The following SLC25A48 variants were observed in gnomAD, a reference collection of about 807,000 sequenced individuals.
SLC25A48 encodes the protein solute carrier family 25 member 48, also known as CTC-321K16.1.
Under a neutral mutation model 32.2 loss-of-function variants are expected in SLC25A48, and 29 were observed. The ratio of observed to expected loss-of-function variants is 0.90; its 90% confidence interval spans 0.67 to 1.23. SLC25A48 has a LOEUF of 1.23. SLC25A48 is among the 50% of genes most tolerant of loss of function. SLC25A48 has a pLI of 0.00. For synonymous variants in SLC25A48, 164 were observed against 172.3 expected (o/e 0.95, Z 0.38); for missense variants, 399 against 422.7 (o/e 0.94, Z 0.49).
chr5:135,709,857 T>G (rs764359269), intron 3 of SLC25A48, among the ~76,000 whole-genome samples: 4 of 152,202 alleles, frequency 2.6e-5, no homozygotes, highest in Non-Finnish European at 5.9e-5. Flanking sequence ...ACTATTATTT[T>G]CCATCATTCC....
intron 3 of SLC25A48, among the ~76,000 whole-genome samples, chr5:135,792,455 G>A (rs1017825802): frequency 6.6e-6 from 1 of 151,476 alleles, no homozygotes; most frequent in South Asian, 2.1e-4. Context: ...GTACAATCCC[G>A]GTTATATTAT....
intron 4 of SLC25A48, among the ~76,000 whole-genome samples, chr5:135,866,007 C>A (rs1026025119): frequency 6.6e-6 from 1 of 152,150 alleles, no homozygotes; most frequent in African/African-American, 2.4e-5. Context: ...ATGCATAATG[C>A]TCATGGATTG....
At chr5:135,583,492 C>A (rs1751281290) in intron 1 of SLC25A48, among the ~76,000 whole-genome samples, 1 of 151,700 alleles carries the variant, frequency 6.6e-6, no homozygotes, top group Non-Finnish European at 1.5e-5. Context: ...AAGAGGAGTC[C>A]TTTTTACTTC....
chr5:135,864,915 C>T (rs1392508601), intron 4 of SLC25A48, among the ~76,000 whole-genome samples: 1 of 152,216 alleles, frequency 6.6e-6, no homozygotes, highest in Non-Finnish European at 1.5e-5. Flanking sequence ...CCACAGTAGA[C>T]TTGGCTGCAG....
intron 1 of SLC25A48, among the ~76,000 whole-genome samples, chr5:135,605,986 T>C (rs1463547917): frequency 6.6e-6 from 1 of 152,212 alleles, no homozygotes; most frequent in Non-Finnish European, 1.5e-5. Flanking sequence ...ATGGGCTAGA[T>C]TCTTTCCTAA....
At chr5:135,792,210 C>G (rs10061012) in intron 3 of SLC25A48, among the ~76,000 whole-genome samples, 99,059 of 151,290 alleles carry the variant, frequency 0.65, 34,377 homozygotes, top group Non-Finnish European at 0.77. Flanking sequence ...TATGTTATTC[C>G]TAATAACCTT....
At chr5:135,674,289 T>G (rs2126944703) in intron 3 of SLC25A48, among the ~76,000 whole-genome samples, 1 of 152,114 alleles carries the variant, frequency 6.6e-6, no homozygotes, top group African/African-American at 2.4e-5. Flanking sequence ...ATTTTTCTAG[T>G]CCTCTCTTCT....
At chr5:135,802,418 T>C (rs903035876) in intron 3 of SLC25A48, among the ~76,000 whole-genome samples, 17 of 151,828 alleles carry the variant, frequency 1.1e-4, no homozygotes, top group Admixed American at 1.1e-3. Flanking sequence ...ATATACCTTG[T>C]GATATTATTT....
intron 1 of SLC25A48, among the ~76,000 whole-genome samples, chr5:135,598,018 ACCAAAAAAC>A (rs548697344): frequency 0.031 from 2,293 of 73,212 alleles, 67 homozygotes; most frequent in African/African-American, 0.09. Context: ...AAAAAATCAA[ACCAAAAAAC>A]AAACAAACAA....
chr5:135,819,714 G>A (rs929824023), intron 4 of SLC25A48, among the ~76,000 whole-genome samples: 4 of 152,074 alleles, frequency 2.6e-5, no homozygotes, highest in Admixed American at 2.0e-4. Context: ...TGATCAAATT[G>A]TACACTTTAT....
chr5:135,672,063 A>G (rs113085425), intron 3 of SLC25A48, among the ~76,000 whole-genome samples: 1,763 of 152,352 alleles, frequency 0.012, 15 homozygotes, highest in Admixed American at 0.028. Context: ...AAATTGGAAC[A>G]GTTCTCAAAT....
upstream of SLC25A48, among the ~76,000 whole-genome samples, chr5:135,832,011 A>G (rs1169752302): frequency 6.6e-6 from 1 of 152,056 alleles, no homozygotes; most frequent in Non-Finnish European, 1.5e-5. Context: ...GGAGAGAGAA[A>G]TGGAGGATGG....
chr5:135,681,590 GCTT>G (rs1753898467), intron 3 of SLC25A48, among the ~76,000 whole-genome samples: 1 of 152,082 alleles, frequency 6.6e-6, no homozygotes, highest in Admixed American at 6.5e-5. Context: ...GTATTATCCT[GCTT>G]CTTGGCAATA....
chr5:135,777,329 G>T (rs1455561573), intron 3 of SLC25A48, among the ~76,000 whole-genome samples: 1 of 151,604 alleles, frequency 6.6e-6, no homozygotes. Flanking sequence ...CCCCAATATT[G>T]TTCCCAATAT....
intron 4 of SLC25A48, among the ~76,000 whole-genome samples, chr5:135,858,498 T>C (rs137942024): frequency 9.2e-5 from 14 of 152,310 alleles, no homozygotes; most frequent in African/African-American, 3.4e-4. Context: ...CCTAATTGTG[T>C]GCCAAACACA....
chr5:135,671,949 G>GC (rs1244489948), intron 3 of SLC25A48, among the ~76,000 whole-genome samples: 2 of 142,622 alleles, frequency 1.4e-5, no homozygotes, highest in African/African-American at 2.6e-5. Context: ...TTTAAGAGAA[G>GC]CCCCCAATCC....
At chr5:135,777,624 T>C (rs1045979857) in intron 3 of SLC25A48, among the ~76,000 whole-genome samples, 4 of 151,848 alleles carry the variant, frequency 2.6e-5, no homozygotes, top group Admixed American at 1.3e-4. Context: ...TGTGATATTG[T>C]TCCTAATATC....
intron 1 of SLC25A48, among the ~76,000 whole-genome samples, chr5:135,838,998 C>A (rs982554818): frequency 1.3e-5 from 2 of 152,218 alleles, no homozygotes; most frequent in African/African-American, 4.8e-5. Context: ...ATGGTAGATC[C>A]ACTTACAGCT....
At chr5:135,602,621 T>C (rs1023863016) in intron 1 of SLC25A48, among the ~76,000 whole-genome samples, 7 of 152,036 alleles carry the variant, frequency 4.6e-5, no homozygotes, top group African/African-American at 1.7e-4. Context: ...TTTCTTTTTT[T>C]TTTTTATTAT....
Sources: allele counts gnomAD v4.1 joint callset (sites outside exome capture counted in the v4.1 genomes callset), GRCh38; gene constraint gnomAD v4.1.1; transcripts MANE v1.5; gene names NCBI Gene and HGNC (gene_info 2026-07-23, HGNC 2026-07-21).